PFKL: variants seen among roughly 807,000 people sequenced by gnomAD.
The protein encoded by PFKL is ATP-dependent 6-phosphofructokinase, liver type.
Under a neutral mutation model 92.1 loss-of-function variants are expected in PFKL, and 74 were observed. That is an observed-to-expected ratio of 0.80 (90% CI 0.67 to 0.97). The LOEUF is 0.97. Ranked by LOEUF, PFKL falls within the 50% of genes least tolerant of loss-of-function variation. The pLI is 0.00. For missense variants in PFKL, 1,028 were observed against 1,116.6 expected (o/e 0.92, Z 1.13); for synonymous variants, 494 against 456.4 (o/e 1.08, Z -1.05).
intron 11 of PFKL, 98 bp from the exon 12 acceptor site, chr21:44,319,986 T>C: frequency 9.3e-7 from 1 of 1,075,440 alleles, no homozygotes; most frequent in South Asian, 1.3e-5. Flanking sequence ...TCGGGCCGTG[T>C]GCCTGTGACC....
At position 44,325,182 on chromosome 21, in the gene PFKL, C is replaced by A. The variant is rs141250471; in HGVS notation, c.1907C>A (p.Thr636Lys). Residue 636 changes from threonine to lysine, a missense_variant, in exon 19 of 22, where the codon ACG (threonine) becomes AAG (lysine). By Grantham distance (78) the Thr-to-Lys change is moderately conservative. Coordinates refer to ENST00000349048, the MANE Select transcript of PFKL (RefSeq NM_002626.6). ...RNEKCHDYYT[T>K]EFLYNLYSSE... is the part of the protein sequence containing the mutation. ...GAGAAGTGCCATGACTACTACACCACGGAGTTCCTGTACAACCTGTACTCA... is the reference window on the plus strand; with the variant it reads ...GAGAAGTGCCATGACTACTACACCAAGGAGTTCCTGTACAACCTGTACTCA... 1,988 of 1,612,688 alleles carry A rather than the reference C, an allele frequency of 1.2e-3. 2 individuals are homozygous for A. The highest frequency in any genetic ancestry group is 1.6e-3 in the Non-Finnish European group (1,875 of 1,179,344).
intron 2 of PFKL, among the ~76,000 whole-genome samples, chr21:44,307,047 A>G (rs1479959220): frequency 6.6e-6 from 1 of 152,108 alleles, no homozygotes; most frequent in Non-Finnish European, 1.5e-5. Context: ...CCCTGCCTAC[A>G]GTGATCGCTG....
Position 44,324,637 on chromosome 21 carries a change from C to T in PFKL, c.1797C>T (p.Phe599=). 6.3e-6 allele frequency: 10 copies of T among 1,599,406 alleles called. No homozygotes were observed. Among genetic ancestry groups the T allele is most frequent in the Non-Finnish European group, 8.5e-6 (10 of 1,172,080 alleles). The change falls in exon 17 of 22, where the codon TTC becomes TTT. Residue 599 remains phenylalanine, a synonymous_variant. Coordinates refer to ENST00000349048, the MANE Select transcript of PFKL (RefSeq NM_002626.6). ...ADAAYVFEDP[F]NIHDLKVNVE... The stretch of plus-strand genomic sequence containing the variant: ...CCGCCTACGTCTTCGAGGACCCTTT[C>T]AACATCCACGACTTAAAGGTGAGCC...
At chr21:44,311,552 G>T (rs1391287718) in intron 3 of PFKL, among the ~76,000 whole-genome samples, 1 of 152,184 alleles carries the variant, frequency 6.6e-6, no homozygotes, top group African/African-American at 2.4e-5. Context: ...GTGCCCCATC[G>T]CACAGGGACT....
At chr21:44,306,845 C>T (rs1374376046) in intron 2 of PFKL, 91 bp downstream of exon 2, 21 of 1,169,836 alleles carry the variant, frequency 1.8e-5, no homozygotes, top group South Asian at 1.3e-4. Flanking sequence ...CACTGGGAGA[C>T]GGGGTGGTCC....
intron 5 of PFKL, 108 bp downstream of exon 5, chr21:44,313,251 C>T: frequency 1.6e-6 from 2 of 1,281,252 alleles, no homozygotes. Flanking sequence ...CTCTGGTAGC[C>T]CCAGCATCCA....
chr21:44,312,012 C>T lies in PFKL; in HGVS notation c.238-93C>T, dbSNP rs574207591. 37 of 1,074,510 alleles carry T rather than the reference C, an allele frequency of 3.4e-5. No homozygotes were observed. In the South Asian group the frequency reaches 7.9e-4, roughly 23 times the overall value. The allele number at this position is 1,074,510 out of a possible 1,614,324, so 66.6% of individuals were successfully genotyped here. A position where few individuals can be genotyped will look rare whatever the true frequency, so the allele number is the denominator to read the frequency against. On this transcript the variant is annotated intron_variant, in intron 3 of 21. Coordinates refer to ENST00000349048, the MANE Select transcript of PFKL (RefSeq NM_002626.6). ...TCTCACTCTGCAGGGTCTGCCAGCC[C>T]CTTGCTGCCCAGTCCTGGGGTCCCT...
chr21:44,323,268 T>G (rs575264785), intron 15 of PFKL, among the ~76,000 whole-genome samples: 4 of 151,964 alleles, frequency 2.6e-5, no homozygotes, highest in Admixed American at 2.0e-4. Context: ...GTGCTGTGTG[T>G]GGGCTCGGGA....
chr21:44,322,055 C>G (rs1188169662), intron 13 of PFKL, 78 bp from the exon 14 acceptor site: 6 of 1,512,652 alleles, frequency 4.0e-6, no homozygotes, highest in Non-Finnish European at 5.4e-6. Context: ...CTGGCTGGCC[C>G]CCGGGCACAG....
At chr21:44,325,450 G>A (rs893413024) in intron 19 of PFKL, 186 bp downstream of exon 19, 4 of 595,114 alleles carry the variant, frequency 6.7e-6, no homozygotes, top group East Asian at 5.6e-5. Flanking sequence ...TTCAAGAAGG[G>A]GTGGGGCTGG....
intron 5 of PFKL, among the ~76,000 whole-genome samples, 162 bp from the exon 6 acceptor site, chr21:44,313,476 G>C (rs1378147494): frequency 1.3e-5 from 2 of 152,232 alleles, no homozygotes; most frequent in Non-Finnish European, 2.9e-5. Flanking sequence ...CCCAAAGGCT[G>C]GAAGGATCCC....
chr21:44,323,261 CTG>C (rs1208341012), intron 15 of PFKL, among the ~76,000 whole-genome samples: 2 of 152,126 alleles, frequency 1.3e-5, no homozygotes, highest in Non-Finnish European at 2.9e-5. Flanking sequence ...GTTTTAAGTG[CTG>C]TGTGTGGGCT....
At chr21:44,303,095 A>G (rs985855686) in intron 1 of PFKL, among the ~76,000 whole-genome samples, 2 of 152,082 alleles carry the variant, frequency 1.3e-5, no homozygotes, top group African/African-American at 2.4e-5. Flanking sequence ...TTAGCTGGGC[A>G]TGGTGGTGCG....
At position 44,320,162 on chromosome 21, in the gene PFKL, G is replaced by C. The variant is rs11908697; in HGVS notation, c.1191+15G>C. 1.7e-3 allele frequency: 2,763 copies of C among 1,610,192 alleles called. 38 individuals carry two copies. In the African/African-American group the frequency reaches 0.029, roughly 17 times the overall value. Reference sequence around the variant, plus strand: ...CCAAGGAGAAGGTGAGGCAGGGAGCGGCGCCCACAGAGGGAGGAACGGGCT... The same window carrying C: ...CCAAGGAGAAGGTGAGGCAGGGAGCCGCGCCCACAGAGGGAGGAACGGGCT... On this transcript the variant is annotated intron_variant, in intron 12 of 21. Coordinates refer to ENST00000349048, the MANE Select transcript of PFKL (RefSeq NM_002626.6).
intron 21 of PFKL, 26 bp from the exon 22 acceptor site, chr21:44,326,689 C>T (rs1324222949): frequency 6.2e-7 from 1 of 1,608,680 alleles, no homozygotes; most frequent in South Asian, 1.1e-5. Flanking sequence ...GACTCCCCAT[C>T]ATCCTCCCAT....
rs1287830339 is a variant in PFKL, at chr21:44,324,933, G to A, written c.1877+16G>A. On this transcript the variant is annotated intron_variant, in intron 18 of 21. Coordinates refer to ENST00000349048, the MANE Select transcript of PFKL (RefSeq NM_002626.6). ...TGGTGCTGCGGTGAGGCTGCCGTGG[G>A]TCCCTGGCCACAGCTGCGCGTCCAA... 1.1e-5 allele frequency: 17 copies of A among 1,594,906 alleles called. No homozygotes were observed. The highest frequency in any genetic ancestry group is 1.4e-5 in the Non-Finnish European group (16 of 1,170,194).
At chr21:44,306,625 T>A in intron 1 of PFKL, 56 bp from the exon 2 acceptor site, 1 of 1,269,508 alleles carries the variant, frequency 7.9e-7, no homozygotes, top group Non-Finnish European at 1.1e-6. Context: ...ATGGGGAGGG[T>A]GTCCAGGGCC....
chr21:44,323,151 G>T, intron 15 of PFKL, 102 bp downstream of exon 15: 3 of 973,398 alleles, frequency 3.1e-6, no homozygotes, highest in Non-Finnish European at 4.9e-6. Context: ...TGGCTGGGCC[G>T]ATGCAGGGGC....
intron 1 of PFKL, among the ~76,000 whole-genome samples, chr21:44,306,251 G>A (rs1025609638): frequency 6.6e-6 from 1 of 152,166 alleles, no homozygotes; most frequent in African/African-American, 2.4e-5. Context: ...TTGGGGCGGC[G>A]GGGTGTGGAG....
Sources: allele counts gnomAD v4.1 joint callset (sites outside exome capture counted in the v4.1 genomes callset), GRCh38; gene constraint gnomAD v4.1.1; transcripts MANE v1.5; gene names NCBI Gene and HGNC (gene_info 2026-07-23, HGNC 2026-07-21).